The following BTBD7 variants were observed in gnomAD, a reference collection of about 807,000 sequenced individuals.
The protein encoded by BTBD7 is BTB domain containing 7, also known as BTB/POZ domain-containing protein 7.
In BTBD7, 38 loss-of-function variants were observed where a neutral mutation model predicts 99.9. The observed-to-expected ratio is 0.38, with a 90% CI of 0.29 to 0.50. BTBD7 has a LOEUF of 0.50. Ranked by LOEUF, BTBD7 falls within the 20% of genes least tolerant of loss-of-function variation. The pLI is 0.93. For missense variants in BTBD7, 1,170 were observed against 1,394.6 expected (o/e 0.84, Z 2.57); for synonymous variants, 520 against 511.4 (o/e 1.02, Z -0.23).
At chr14:93,265,509 T>C (rs117295259) in intron 3 of BTBD7, among the ~76,000 whole-genome samples, 3,882 of 152,380 alleles carry the variant, frequency 0.025, 69 homozygotes, top group Non-Finnish European at 0.04. Context: ...AATGAGATCT[T>C]TGCAGATAAC....
At chr14:93,287,900 T>C (rs1186959797) in intron 3 of BTBD7, 4 of 152,330 alleles carry the variant, frequency 2.6e-5, no homozygotes, top group Non-Finnish European at 5.9e-5. Context: ...AGGGGAAATA[T>C]CCCTACACAG....
At chr14:93,329,481 C>T (rs1189280194) in intron 1 of BTBD7, among the ~76,000 whole-genome samples, 6 of 152,138 alleles carry the variant, frequency 3.9e-5, no homozygotes, top group Admixed American at 2.0e-4. Flanking sequence ...AAAGCAGAGA[C>T]TCAGATATTT....
At chr14:93,277,589 T>C (rs1368972042) in intron 3 of BTBD7, among the ~76,000 whole-genome samples, 1 of 152,230 alleles carries the variant, frequency 6.6e-6, no homozygotes, top group Admixed American at 6.5e-5. Context: ...TGTTTCCTTA[T>C]CTGAAAAATG....
At chr14:93,252,137 C>T (rs773574937) in intron 7 of BTBD7, among the ~76,000 whole-genome samples, 39 of 152,016 alleles carry the variant, frequency 2.6e-4, no homozygotes, top group Admixed American at 7.2e-4. Flanking sequence ...AGGTGAAACC[C>T]CATCTCTACT....
At position 93,241,989 on chromosome 14, in the gene BTBD7, C is replaced by A; in HGVS notation, c.*284G>T. 9.4e-6 allele frequency: 4 copies of A among 427,056 alleles called. No homozygotes were observed. The highest frequency in any genetic ancestry group is 3.5e-5 in the East Asian group (1 of 28,276). 26.5% of individuals were successfully genotyped at this position (427,056 alleles called of 1,614,324 possible). On this transcript the variant is annotated 3_prime_UTR_variant, in exon 11 of 11. Coordinates refer to ENST00000334746, the MANE Select transcript of BTBD7 (RefSeq NM_001002860.4). ...TAAATGTACAAGTGCAAAAAAATTC[C>A]ATCATTTGTAAAGAGAAATAAAAAG...
At chr14:93,270,327 C>T (rs2052587918) in intron 3 of BTBD7, among the ~76,000 whole-genome samples, 1 of 152,002 alleles carries the variant, frequency 6.6e-6, no homozygotes, top group Non-Finnish European at 1.5e-5. Flanking sequence ...AACTCCTGAC[C>T]TCAGGTGATC....
At chr14:93,312,599 T>C (rs1240019473) in intron 1 of BTBD7, among the ~76,000 whole-genome samples, 2 of 152,138 alleles carry the variant, frequency 1.3e-5, no homozygotes, top group Non-Finnish European at 2.9e-5. Context: ...TCCTTGTCTA[T>C]AAGGACATCT....
rs1448100183 is a variant in BTBD7, at chr14:93,332,895, C to T, written c.-182G>A. 12 of 1,410,916 alleles carry T rather than the reference C, an allele frequency of 8.5e-6. No homozygotes were observed. Among genetic ancestry groups the T allele is most frequent in the Non-Finnish European group, 1.0e-5 (11 of 1,068,810 alleles). 87.4% of individuals were successfully genotyped at this position (1,410,916 alleles called of 1,614,324 possible). ...CCTCCGCCGCCGCCGCCACCAGCAC[C>T]GCCGTCCGCACCGGCGCCAGCACCC... On this transcript the variant is annotated 5_prime_UTR_variant, in exon 1 of 11. Transcript: ENST00000334746.
intron 5 of BTBD7, 53 bp from the exon 6 acceptor site, chr14:93,257,408 G>T: frequency 6.5e-7 from 1 of 1,545,008 alleles, no homozygotes; most frequent in Non-Finnish European, 8.7e-7. Context: ...TTCTGAGACA[G>T]GTTTCCTTTG....
chr14:93,260,904 CT>C (rs570324173), intron 5 of BTBD7, among the ~76,000 whole-genome samples: 79 of 146,920 alleles, frequency 5.4e-4, no homozygotes, highest in South Asian at 1.5e-3. Flanking sequence ...TATTTGTACT[CT>C]TTTTTTTTTT....
chr14:93,313,811 G>A (rs1440739340), intron 1 of BTBD7, among the ~76,000 whole-genome samples: 1 of 151,980 alleles, frequency 6.6e-6, no homozygotes, highest in African/African-American at 2.4e-5. Context: ...ATAGCTCATT[G>A]CAGCCTCCAA....
intron 1 of BTBD7, among the ~76,000 whole-genome samples, chr14:93,302,430 C>T (rs1428760491): frequency 1.3e-5 from 2 of 152,096 alleles, no homozygotes; most frequent in African/African-American, 2.4e-5. Flanking sequence ...AAAAGGGGTA[C>T]ATATCAGAGG....
At chr14:93,244,855 CTTT>C (rs58775665) in intron 10 of BTBD7, among the ~76,000 whole-genome samples, 6 of 107,468 alleles carry the variant, frequency 5.6e-5, no homozygotes, top group Admixed American at 1.0e-4. Context: ...TCTTACAAAT[CTTT>C]TTTTTTTTTT....
chr14:93,279,015 G>GT (rs2052688309), intron 3 of BTBD7, among the ~76,000 whole-genome samples: 1 of 152,162 alleles, frequency 6.6e-6, no homozygotes, highest in Non-Finnish European at 1.5e-5. Context: ...AAAAGAATTA[G>GT]TAATTTTGAT....
intron 3 of BTBD7, among the ~76,000 whole-genome samples, chr14:93,273,958 G>C (rs2052627742): frequency 6.6e-6 from 1 of 152,190 alleles, no homozygotes; most frequent in African/African-American, 2.4e-5. Context: ...TACAACAGCA[G>C]TTCATTCAGA....
chr14:93,314,392 A>C (rs2053175488), intron 1 of BTBD7, among the ~76,000 whole-genome samples: 1 of 152,232 alleles, frequency 6.6e-6, no homozygotes, highest in Admixed American at 6.5e-5. Context: ...TTATGCACTC[A>C]TATGTATATC....
intron 1 of BTBD7, among the ~76,000 whole-genome samples, chr14:93,329,662 T>C (rs966311091): frequency 3.7e-4 from 57 of 152,332 alleles, no homozygotes; most frequent in African/African-American, 1.2e-3. Context: ...TGGACCTTGA[T>C]GACATTATAC....
chr14:93,296,946 G>A (rs555684456), intron 1 of BTBD7, among the ~76,000 whole-genome samples: 1 of 152,226 alleles, frequency 6.6e-6, no homozygotes, highest in African/African-American at 2.4e-5. Context: ...AGAGATTTAT[G>A]CAAAAAAGAA....
At chr14:93,295,637 C>T (rs922993690) in intron 2 of BTBD7, among the ~76,000 whole-genome samples, 1 of 152,084 alleles carries the variant, frequency 6.6e-6, no homozygotes, top group African/African-American at 2.4e-5. Context: ...TTCTTAATTA[C>T]ACAAGTCTGC....
Sources: allele counts gnomAD v4.1 joint callset (sites outside exome capture counted in the v4.1 genomes callset), GRCh38; gene constraint gnomAD v4.1.1; transcripts MANE v1.5; gene names NCBI Gene and HGNC (gene_info 2026-07-23, HGNC 2026-07-21).